LRMDA: variants seen among roughly 807,000 people sequenced by gnomAD.
The protein encoded by LRMDA is leucine-rich melanocyte differentiation-associated protein.
LRMDA carries 18 observed loss-of-function variants against 29.8 expected under a neutral mutation model. The ratio of observed to expected loss-of-function variants is 0.60; its 90% CI spans 0.42 to 0.90. The LOEUF (loss-of-function observed/expected upper bound fraction) is 0.90, where lower values mean the gene tolerates loss of function less well. Among genes scored for constraint, LRMDA ranks in the 40% least tolerant of loss-of-function variants. LRMDA has a pLI of 0.00. For synonymous variants in LRMDA, 125 were observed against 109.4 expected, an observed-to-expected ratio of 1.14 and a Z score of -0.89; for missense variants, 273 against 273.9, an observed-to-expected ratio of 1.00 and a Z score of 0.02.
At chr10:75,791,286 C>G (rs942282380) in intron 2 of LRMDA, among the ~76,000 whole-genome samples, 3 of 152,158 alleles carry the variant, frequency 2.0e-5, no homozygotes, top group African/African-American at 7.2e-5. Context: ...GTTAATTCCA[C>G]CCCCTTGTTA....
chr10:75,761,244 G>A (rs1369520435), intron 2 of LRMDA, among the ~76,000 whole-genome samples: 2 of 152,174 alleles, frequency 1.3e-5, no homozygotes, highest in Non-Finnish European at 2.9e-5. Flanking sequence ...CCATGTTCAT[G>A]GCAGCATTCT....
intron 2 of LRMDA, among the ~76,000 whole-genome samples, chr10:75,943,381 G>C (rs1846427381): frequency 6.6e-6 from 1 of 152,142 alleles, no homozygotes; most frequent in South Asian, 2.1e-4. Context: ...TGAGAAAACA[G>C]AAGCTCAGAG....
chr10:76,276,216 C>A (rs1840132851), intron 5 of LRMDA, among the ~76,000 whole-genome samples: 1 of 152,130 alleles, frequency 6.6e-6, no homozygotes, highest in Non-Finnish European at 1.5e-5. Flanking sequence ...TCGCGGCTAA[C>A]TGTAGCCTTG....
chr10:76,240,325 T>C (rs1852248641), intron 5 of LRMDA, among the ~76,000 whole-genome samples: 1 of 150,808 alleles, frequency 6.6e-6, no homozygotes, highest in South Asian at 2.1e-4. Context: ...GTGAAGTAAC[T>C]CAGGAATGGA....
intron 2 of LRMDA, among the ~76,000 whole-genome samples, chr10:75,990,878 T>G (rs1223062831): frequency 6.6e-6 from 1 of 152,100 alleles, no homozygotes. Context: ...AGGGAAGCCT[T>G]GTGGAGGCCA....
At chr10:76,268,132 G>C (rs1460104445) in intron 5 of LRMDA, among the ~76,000 whole-genome samples, 1 of 152,178 alleles carries the variant, frequency 6.6e-6, no homozygotes, top group Admixed American at 6.5e-5. Context: ...AAATGAAGAG[G>C]AGAGGAATTG....
chr10:76,429,947 A>G (rs1195685402), intron 6 of LRMDA, among the ~76,000 whole-genome samples: 1 of 152,216 alleles, frequency 6.6e-6, no homozygotes, highest in Non-Finnish European at 1.5e-5. Flanking sequence ...ATCCGAGACA[A>G]CTATTTTTAC....
chr10:75,533,486 T>C (rs991527384), intron 2 of LRMDA, among the ~76,000 whole-genome samples: 2 of 152,036 alleles, frequency 1.3e-5, no homozygotes, highest in African/African-American at 4.8e-5. Flanking sequence ...TATAAATGAG[T>C]TTTTATGGGT....
intron 6 of LRMDA, among the ~76,000 whole-genome samples, chr10:76,384,633 C>T (rs1367487410): frequency 6.6e-6 from 1 of 152,170 alleles, no homozygotes; most frequent in South Asian, 2.1e-4. Flanking sequence ...TCAGGACTTT[C>T]CGTCCCAGGA....
At chr10:75,991,158 T>C in intron 2 of LRMDA, among the ~76,000 whole-genome samples, 1 of 152,152 alleles carries the variant, frequency 6.6e-6, no homozygotes, top group East Asian at 1.9e-4. Context: ...GGAAAATACA[T>C]ATACATATGT....
At chr10:75,706,544 A>G (rs942965868) in intron 2 of LRMDA, among the ~76,000 whole-genome samples, 7 of 152,186 alleles carry the variant, frequency 4.6e-5, no homozygotes, top group Non-Finnish European at 8.8e-5. Flanking sequence ...CATGTGGATG[A>G]TACTATTCAC....
chr10:75,661,288 C>T (rs1258345180), intron 2 of LRMDA, among the ~76,000 whole-genome samples: 1 of 152,204 alleles, frequency 6.6e-6, no homozygotes, highest in Non-Finnish European at 1.5e-5. Context: ...CGAAGGATCC[C>T]AACAGAGGCT....
chr10:76,421,482 TATA>T (rs773156652), intron 6 of LRMDA, among the ~76,000 whole-genome samples: 26 of 152,216 alleles, frequency 1.7e-4, no homozygotes, highest in South Asian at 6.2e-4. Context: ...TTAATGGTGA[TATA>T]TAGACTATTT....
intron 2 of LRMDA, among the ~76,000 whole-genome samples, chr10:75,752,184 T>C (rs1193699963): frequency 2.0e-5 from 3 of 151,226 alleles, no homozygotes; most frequent in Non-Finnish European, 4.4e-5. Flanking sequence ...TTGGCTTCTA[T>C]TATGGGAGTG....
intron 2 of LRMDA, among the ~76,000 whole-genome samples, chr10:75,965,017 C>T (rs889853096): frequency 6.6e-6 from 1 of 152,198 alleles, no homozygotes; most frequent in Non-Finnish European, 1.5e-5. Context: ...CCACTCAACT[C>T]GGCCTCCCAA....
intron 6 of LRMDA, among the ~76,000 whole-genome samples, chr10:76,483,376 A>C (rs1842751078): frequency 6.6e-6 from 1 of 151,950 alleles, no homozygotes; most frequent in Admixed American, 6.6e-5. Context: ...GCAGCTCCAA[A>C]TCAGAGAAGG....
intron 2 of LRMDA, among the ~76,000 whole-genome samples, chr10:75,772,869 T>TGGGGGGGGGGGGGGGG (rs1554824987): frequency 1.6e-4 from 8 of 49,770 alleles, no homozygotes; most frequent in African/African-American, 3.5e-4. Context: ...GGGGGTGGGA[T>TGGGGGGGGGGGGGGGG]GGGGGGGGGC....
intron 2 of LRMDA, among the ~76,000 whole-genome samples, chr10:75,821,646 G>A (rs2132281558): frequency 6.6e-6 from 1 of 152,190 alleles, no homozygotes; most frequent in African/African-American, 2.4e-5. Context: ...GTGGGTGCCT[G>A]TAGTCCCAGC....
At chr10:75,597,473 G>A (rs1038539226) in intron 2 of LRMDA, among the ~76,000 whole-genome samples, 4 of 152,144 alleles carry the variant, frequency 2.6e-5, no homozygotes, top group Non-Finnish European at 4.4e-5. Flanking sequence ...GGGACTGGGA[G>A]GCACAGCCCC....
Sources: gnomAD v4.1 joint callset for allele counts (sites outside exome capture counted in the v4.1 genomes callset) on GRCh38, gnomAD v4.1.1 for gene constraint, MANE v1.5 for transcripts, NCBI Gene and HGNC (gene_info 2026-07-23, HGNC 2026-07-21) for gene names.